Variants in IQCE observed in about 807,000 individuals in gnomAD.
The protein encoded by IQCE is IQ domain-containing protein E.
Under a neutral mutation model 96.0 loss-of-function variants are expected in IQCE, and 115 were observed. The ratio of observed to expected loss-of-function variants is 1.20; its 90% CI spans 1.03 to 1.40. IQCE has a LOEUF of 1.40. Among genes scored for constraint, IQCE ranks in the 40% most tolerant of loss-of-function variants. IQCE has a pLI of 0.00. For missense variants in IQCE, 1,041 were observed against 909.1 expected (o/e 1.15, Z -1.87); for synonymous variants, 412 against 371.2 (o/e 1.11, Z -1.26).
chr7:2,609,534 T>C (rs1785018073), intron 21 of IQCE, among the ~76,000 whole-genome samples: 2 of 152,234 alleles, frequency 1.3e-5, no homozygotes, highest in Non-Finnish European at 2.9e-5. Context: ...ATGACTCCAG[T>C]GTGGACTCGA....
chr7:2,586,805 G>A lies in IQCE; in HGVS notation c.988+434G>A, dbSNP rs73293636. On this transcript the variant is annotated intron_variant, in intron 12 of 21. Coordinates refer to ENST00000402050, the MANE Select transcript of IQCE (RefSeq NM_152558.5). ...AGCCATGAAGACGGCAGCAGGCGTGGGACAGGCGGGGCAGAGCTGAGTGCC... is the reference window on the plus strand; with the variant it reads ...AGCCATGAAGACGGCAGCAGGCGTGAGACAGGCGGGGCAGAGCTGAGTGCC... Among the ~76,000 whole-genome samples the A allele has an allele frequency of 9.4e-3, 1,439 of 152,346 alleles. 24 individuals are homozygous for A. The highest frequency in any genetic ancestry group is 0.033 in the African/African-American group (1,355 of 41,580).
In IQCE at chr7:2,602,149, G is replaced by T. The variant is rs143146768; in HGVS notation, c.1632+685G>T. On this transcript the variant is annotated intron_variant, in intron 18 of 21. Transcript: ENST00000402050. ...AAAGGCCAGGAGGTCCCTGCGAGGGGTGACATGCAAGGTGGGCCTCGCAGG... is the reference window on the plus strand; with the variant it reads ...AAAGGCCAGGAGGTCCCTGCGAGGGTTGACATGCAAGGTGGGCCTCGCAGG... 5.3e-3 allele frequency among the ~76,000 whole-genome samples: 800 copies of T among 152,268 alleles called. 9 individuals are homozygous for T. Among genetic ancestry groups the T allele is most frequent in the African/African-American group, 0.018 (764 of 41,552 alleles).
chr7:2,594,519 T>C (rs1024283644), intron 15 of IQCE, among the ~76,000 whole-genome samples: 1 of 152,244 alleles, frequency 6.6e-6, no homozygotes, highest in Non-Finnish European at 1.5e-5. Flanking sequence ...CTTGGCCTCC[T>C]AGAGGGTTGG....
chr7:2,574,035 ACT>A (rs1210018385), intron 6 of IQCE, among the ~76,000 whole-genome samples: 6 of 152,016 alleles, frequency 3.9e-5, no homozygotes, highest in Non-Finnish European at 8.8e-5. Context: ...CAAGGCCAAG[ACT>A]CTGTACTTCC....
intron 3 of IQCE, among the ~76,000 whole-genome samples, chr7:2,569,469 G>A (rs1781604586): frequency 6.6e-6 from 1 of 152,138 alleles, no homozygotes; most frequent in Admixed American, 6.5e-5. Context: ...GGCTTGTTTT[G>A]CTGCCAGGGT....
intron 6 of IQCE, 24 bp downstream of exon 6, chr7:2,573,512 T>C (rs1321236673): frequency 2.3e-6 from 3 of 1,291,110 alleles, no homozygotes; most frequent in African/African-American, 1.5e-5. Context: ...TTGTTCTCTA[T>C]TGATTTGAAA....
chr7:2,580,709 A>G (rs2969052), intron 8 of IQCE, among the ~76,000 whole-genome samples: 87,239 of 151,870 alleles, frequency 0.57, 25,157 homozygotes, highest in South Asian at 0.62. Context: ...CACCAGGAGG[A>G]TTTGTTGAAT....
chr7:2,567,719 T>C (rs1781482718), intron 2 of IQCE, among the ~76,000 whole-genome samples: 1 of 152,224 alleles, frequency 6.6e-6, no homozygotes, highest in Non-Finnish European at 1.5e-5. Flanking sequence ...AAAGCTTTTC[T>C]TACTGGAGAC....
chr7:2,593,979 T>G (rs536884535), intron 15 of IQCE, among the ~76,000 whole-genome samples: 1 of 152,302 alleles, frequency 6.6e-6, no homozygotes, highest in South Asian at 2.1e-4. Context: ...AAGAAAACTG[T>G]GGCCGGGCAC....
chr7:2,604,597 G>A (rs1018102705), intron 18 of IQCE, among the ~76,000 whole-genome samples: 29 of 152,134 alleles, frequency 1.9e-4, no homozygotes, highest in South Asian at 6.2e-4. Flanking sequence ...CCTATTAGCC[G>A]CTGAAAGGGA....
At chr7:2,599,113 G>T (rs1281882678) in intron 17 of IQCE, among the ~76,000 whole-genome samples, 1 of 152,192 alleles carries the variant, frequency 6.6e-6, no homozygotes, top group Non-Finnish European at 1.5e-5. Context: ...GAGCCTGGGG[G>T]TCGGTTGGTT....
chr7:2,605,042 C>G (rs1212716245), intron 19 of IQCE, 51 bp downstream of exon 19: 11 of 1,301,726 alleles, frequency 8.5e-6, no homozygotes, highest in Non-Finnish European at 1.2e-5. Flanking sequence ...AGCTGCTCGT[C>G]TCGCACTCCA....
intron 18 of IQCE, among the ~76,000 whole-genome samples, chr7:2,603,103 G>A (rs1260038036): frequency 1.3e-5 from 2 of 152,106 alleles, no homozygotes; most frequent in African/African-American, 4.8e-5. Context: ...CATCTGCAAT[G>A]GCAACTTCCA....
At chr7:2,594,849 C>T in intron 15 of IQCE, 37 bp from the exon 16 acceptor site, 4 of 1,422,022 alleles carry the variant, frequency 2.8e-6, no homozygotes, top group Non-Finnish European at 4.0e-6. Context: ...CACATAGTGA[C>T]AGGTGAGGTG....
chr7:2,591,136 C>T (rs1185064617), intron 14 of IQCE, among the ~76,000 whole-genome samples: 1 of 152,040 alleles, frequency 6.6e-6, no homozygotes, highest in Non-Finnish European at 1.5e-5. Context: ...GCCTGTAATC[C>T]CGCCTATTTG....
rs188926115 is a variant in IQCE, at chr7:2,567,227, C to T, written c.84+64C>T. 9 of 1,287,268 alleles carry T rather than the reference C, an allele frequency of 7.0e-6. No homozygotes were observed. The African/African-American group carries it at 7.3e-5, about 10-fold the overall frequency. 79.7% of individuals were successfully genotyped at this position (1,287,268 alleles called of 1,614,324 possible). On this transcript the variant is annotated intron_variant, in intron 2 of 21. Coordinates refer to ENST00000402050, the MANE Select transcript of IQCE (RefSeq NM_152558.5). ...GGTTGCGCTGCCCTTGCAGACTGCA[C>T]TCGGAAGCGTAAAATAGGCCGTTCT...
At chr7:2,588,203 G>A (rs914819866) in intron 13 of IQCE, among the ~76,000 whole-genome samples, 8 of 152,150 alleles carry the variant, frequency 5.3e-5, no homozygotes, top group East Asian at 3.8e-4. Flanking sequence ...CACTCAAGTC[G>A]TGTTGGAATC....
At chr7:2,559,783 C>G (rs1412943862) in intron 1 of IQCE, among the ~76,000 whole-genome samples, 1,847 of 16,694 alleles carry the variant, frequency 0.11, 2 homozygotes, top group Non-Finnish European at 0.18. Context: ...GGGGGGGGGG[C>G]GGAGGGACAA....
intron 21 of IQCE, among the ~76,000 whole-genome samples, chr7:2,609,311 C>CT (rs58620813): frequency 0.054 from 7,564 of 139,836 alleles, 306 homozygotes; most frequent in Middle Eastern, 0.15. Flanking sequence ...GGGAAGTTGG[C>CT]TTTTTTTTTT....
Sources: gnomAD v4.1 joint callset for allele counts (sites outside exome capture counted in the v4.1 genomes callset) on GRCh38, gnomAD v4.1.1 for gene constraint, MANE v1.5 for transcripts, NCBI Gene and HGNC (gene_info 2026-07-23, HGNC 2026-07-21) for gene names.